CRTAC1: variants seen among roughly 807,000 people sequenced by gnomAD.
CRTAC1 encodes the protein acidic secreted protein in cartilage.
In CRTAC1, 37 loss-of-function variants were observed where a neutral mutation model predicts 67.8. That is an observed-to-expected ratio of 0.55 (90% CI 0.42 to 0.72). CRTAC1 has a LOEUF of 0.72. Ranked by LOEUF, CRTAC1 falls within the 30% of genes least tolerant of loss-of-function variation. The pLI, the probability that CRTAC1 is intolerant of heterozygous loss-of-function variation, is 0.00. For synonymous variants in CRTAC1, 348 were observed against 371.0 expected, an observed-to-expected ratio of 0.94 and a Z score of 0.71; for missense variants, 780 against 931.6, an observed-to-expected ratio of 0.84 and a Z score of 2.12.
In CRTAC1 at chr10:97,895,157, C is replaced by A. The variant is rs1012317515; in HGVS notation, c.1486+88G>T. On this transcript the variant is annotated intron_variant, in intron 11 of 14. Coordinates refer to ENST00000370597, the MANE Select transcript of CRTAC1 (RefSeq NM_018058.7). The surrounding 1 kb of genome is among the most constrained non-coding windows in gnomAD (Gnocchi z 4.2). ...CCATGGCTGTCACAGTAGAGCGGAGCGGTGCCCAAGGATGCTCGGGCTGTG... is the reference window on the plus strand; with the variant it reads ...CCATGGCTGTCACAGTAGAGCGGAGAGGTGCCCAAGGATGCTCGGGCTGTG... 7.5e-7 allele frequency: 1 copy of A among 1,324,782 alleles called. No individual in the cohort carries two copies. The highest frequency in any genetic ancestry group is 1.8e-5 in the Admixed American group (1 of 54,934). The allele number at this position is 1,324,782 out of a possible 1,614,324, so 82.1% of individuals were successfully genotyped here.
At chr10:97,921,328 T>C (rs2050833077) in intron 4 of CRTAC1, among the ~76,000 whole-genome samples, 1 of 152,128 alleles carries the variant, frequency 6.6e-6, no homozygotes, top group Non-Finnish European at 1.5e-5. Context: ...AGTGCTATAA[T>C]AAAGTTAGAA....
At chr10:98,014,441 CA>C (rs1262702292) in intron 1 of CRTAC1, among the ~76,000 whole-genome samples, 1 of 151,840 alleles carries the variant, frequency 6.6e-6, no homozygotes, top group Non-Finnish European at 1.5e-5. Context: ...GCACAGGCAA[CA>C]AAAGAAAAAA....
At chr10:97,971,227 T>C (rs1286918259) in intron 2 of CRTAC1, among the ~76,000 whole-genome samples, 2 of 152,236 alleles carry the variant, frequency 1.3e-5, no homozygotes, top group African/African-American at 2.4e-5. Context: ...GAATCTATTC[T>C]AGAGAGCTCA....
intron 2 of CRTAC1, among the ~76,000 whole-genome samples, chr10:98,002,020 G>A (rs1015369747): frequency 1.3e-5 from 2 of 152,370 alleles, no homozygotes. Context: ...GGCCCGTGGT[G>A]CAAGGCCAGG....
At chr10:97,892,758 T>G (rs972311920) in intron 11 of CRTAC1, among the ~76,000 whole-genome samples, 14 of 152,244 alleles carry the variant, frequency 9.2e-5, no homozygotes, top group Admixed American at 9.2e-4. Flanking sequence ...AAAAGGTATC[T>G]TGTGCCTTTA....
chr10:97,949,808 A>T (rs2051322775), intron 2 of CRTAC1, among the ~76,000 whole-genome samples: 1 of 152,258 alleles, frequency 6.6e-6, no homozygotes, highest in South Asian at 2.1e-4. Context: ...CAAAGTGAGG[A>T]TGCTGAGATC....
In CRTAC1 at chr10:98,010,102, C is replaced by T. The variant is rs187879048; in HGVS notation, c.224+1036G>A. Among the ~76,000 whole-genome samples, 440 of 151,026 alleles carry T rather than the reference C, an allele frequency of 2.9e-3. 8 individuals are homozygous for T. The highest frequency in any genetic ancestry group is 0.027 in the Admixed American group (416 of 15,136). On this transcript the variant is annotated intron_variant, in intron 2 of 14. Transcript: ENST00000370597. ...TCGCCCAGGCTGGAGTGCAGTGGTGCCGTCTCGGCTTACTGCAACCTCCGC... is the reference window on the plus strand; with the variant it reads ...TCGCCCAGGCTGGAGTGCAGTGGTGTCGTCTCGGCTTACTGCAACCTCCGC...
rs765777184 is a variant in CRTAC1, at chr10:97,936,273, C to T, written c.318G>A (p.Ala106=). Residue 106 remains alanine (A), a synonymous_variant, in exon 3 of 15, where the codon GCG becomes GCA. Transcript: ENST00000370597. ...TGGCGTTCCCCTGCCGGTCCCGCAGCGCGTAGTAGGGTGAGCTGCGCTCAT... is the reference window on the plus strand; with the variant it reads ...TGGCGTTCCCCTGCCGGTCCCGCAGTGCGTAGTAGGGTGAGCTGCGCTCAT... ...AVDERSSPYY[A]LRDRQGNAIG... 3.5e-5 allele frequency: 57 copies of T among 1,614,024 alleles called. No individual in the cohort carries two copies. The highest frequency in any genetic ancestry group is 3.6e-5 in the Non-Finnish European group (43 of 1,179,994).
At chr10:97,944,990 G>A (rs1417502065) in intron 2 of CRTAC1, among the ~76,000 whole-genome samples, 1 of 152,170 alleles carries the variant, frequency 6.6e-6, no homozygotes, top group Non-Finnish European at 1.5e-5. Flanking sequence ...ATCCAGATGA[G>A]CCCTTTCCAA....
intron 2 of CRTAC1, among the ~76,000 whole-genome samples, chr10:97,959,755 A>G (rs1165319820): frequency 1.3e-5 from 2 of 152,196 alleles, no homozygotes; most frequent in Non-Finnish European, 2.9e-5. Flanking sequence ...GTAAGCCCCT[A>G]ATAAAACCCC....
In CRTAC1 at chr10:97,894,711, C is replaced by CAT. The variant is rs66795716; in HGVS notation, c.1486+532_1486+533dup. ...CTGTGCCCAGCCCCTGATGCTTTTA[C>CAT]ATATATATATATATATATATATATA... On this transcript the variant is annotated intron_variant, in intron 11 of 14. Transcript: ENST00000370597. 8.6e-3 allele frequency among the ~76,000 whole-genome samples: 505 copies of CAT among 59,052 alleles called. 19 individuals carry two copies. Among genetic ancestry groups the CAT allele is most frequent in the Middle Eastern group, 0.01 (1 of 98 alleles). 38.7% of individuals were successfully genotyped at this position (59,052 alleles called of 152,430 possible).
chr10:97,915,425 G>A (rs1175323535), intron 5 of CRTAC1, among the ~76,000 whole-genome samples: 4 of 152,230 alleles, frequency 2.6e-5, no homozygotes, highest in African/African-American at 9.7e-5. Flanking sequence ...GGCAGGTGCT[G>A]TGTGGCTTGG....
intron 1 of CRTAC1, among the ~76,000 whole-genome samples, chr10:98,019,904 C>T (rs539092637): frequency 7.9e-5 from 12 of 152,326 alleles, no homozygotes; most frequent in Middle Eastern, 3.4e-3. Context: ...GAATCTGAGT[C>T]GGGGAGTGGG....
intron 1 of CRTAC1, among the ~76,000 whole-genome samples, chr10:98,015,971 G>C (rs978835338): frequency 4.6e-5 from 7 of 152,190 alleles, no homozygotes; most frequent in African/African-American, 1.7e-4. Flanking sequence ...TGGATCTAAG[G>C]AGCTGAAATC....
At chr10:97,907,639 C>T (rs1429495246) in intron 6 of CRTAC1, among the ~76,000 whole-genome samples, 1 of 152,050 alleles carries the variant, frequency 6.6e-6, no homozygotes, top group East Asian at 1.9e-4. Flanking sequence ...TGAATGCTCA[C>T]TGTATTGAAC....
intron 4 of CRTAC1, among the ~76,000 whole-genome samples, chr10:97,919,770 C>T (rs1400206280): frequency 3.3e-5 from 1 of 29,876 alleles, no homozygotes; most frequent in Non-Finnish European, 7.6e-5. Flanking sequence ...TACAGTACAG[C>T]CTTTTTTTTT....
At chr10:97,920,707 C>A (rs944773632) in intron 4 of CRTAC1, among the ~76,000 whole-genome samples, 7 of 152,342 alleles carry the variant, frequency 4.6e-5, no homozygotes, top group Middle Eastern at 3.4e-3. Flanking sequence ...CGTCCTCGGG[C>A]AAATCCCTGG....
chr10:98,030,557 C>T lies in CRTAC1; in HGVS notation c.-85G>A, dbSNP rs1344963413. ...TGCCGCCGGCGCCGCCGCCTGCTTG[C>T]TCCCAGCCCCGGTCCCGGGCTGGCC... On this transcript the variant is annotated 5_prime_UTR_variant, in exon 1 of 15. Coordinates refer to ENST00000370597, the MANE Select transcript of CRTAC1 (RefSeq NM_018058.7). The surrounding 1 kb of genome is among the most constrained non-coding windows in gnomAD (Gnocchi z 4.2). 7.2e-5 allele frequency: 71 copies of T among 984,686 alleles called. No individual in the cohort carries two copies. Among genetic ancestry groups the T allele is most frequent in the Non-Finnish European group, 8.6e-5 (65 of 757,382 alleles). The allele number at this position is 984,686 out of a possible 1,614,324, so 61.0% of individuals were successfully genotyped here.
intron 2 of CRTAC1, among the ~76,000 whole-genome samples, chr10:97,939,876 C>T (rs142937748): frequency 2.7e-3 from 405 of 152,264 alleles, no homozygotes; most frequent in Non-Finnish European, 4.5e-3. Context: ...CAGCATTTTG[C>T]ACCTCGCTTA....
Sources: gnomAD v4.1 joint callset for allele counts (sites outside exome capture counted in the v4.1 genomes callset) on GRCh38, gnomAD v4.1.1 for gene constraint, Gnocchi (gnomAD v3.1) non-coding constraint, MANE v1.5 for transcripts, NCBI Gene and HGNC (gene_info 2026-07-23, HGNC 2026-07-21) for gene names.